The following SNX29 variants were observed in gnomAD, a reference collection of about 807,000 sequenced individuals.
SNX29 encodes sorting nexin 29, also known as sorting nexin-29.
SNX29 carries 78 observed loss-of-function variants against 102.1 expected under a neutral mutation model. That is an observed-to-expected ratio of 0.76 (90% confidence interval 0.64 to 0.92). SNX29 has a LOEUF of 0.92. SNX29 is among the 40% of genes least tolerant of loss of function. The pLI is 0.00. For synonymous variants in SNX29, 580 were observed against 414.5 expected (o/e 1.40, Z -4.85); for missense variants, 1,280 against 1,061.7 (o/e 1.21, Z -2.86).
At chr16:12,517,206 T>G (rs1376963496) in intron 19 of SNX29, among the ~76,000 whole-genome samples, 1 of 152,186 alleles carries the variant, frequency 6.6e-6, no homozygotes, top group African/African-American at 2.4e-5. Context: ...TTCCATACGC[T>G]GGGTTTGCCT....
At chr16:12,261,085 G>A (rs1421082697) in intron 14 of SNX29, among the ~76,000 whole-genome samples, 1 of 148,800 alleles carries the variant, frequency 6.7e-6, no homozygotes, top group African/African-American at 2.5e-5. Flanking sequence ...GCTGGAGTGA[G>A]TGTTTGCTGA....
chr16:12,486,575 G>T (rs1197951225), intron 19 of SNX29, among the ~76,000 whole-genome samples: 1 of 152,248 alleles, frequency 6.6e-6, no homozygotes. Flanking sequence ...GCCCAGGCAG[G>T]TGATCTGCCT....
chr16:12,460,269 C>T (rs2086723340), intron 18 of SNX29, among the ~76,000 whole-genome samples: 1 of 152,222 alleles, frequency 6.6e-6, no homozygotes, highest in African/African-American at 2.4e-5. Context: ...GAGGGGGAAA[C>T]CCTAAAACTG....
rs542925372 is a variant in SNX29, at chr16:12,241,297, T to C, written c.1679-36636T>C. 4.6e-5 allele frequency among the ~76,000 whole-genome samples: 7 copies of C among 152,260 alleles called. No individual in the cohort carries two copies. The South Asian group carries it at 1.5e-3, about 32-fold the overall frequency. On this transcript the variant is annotated intron_variant, in intron 14 of 20. Coordinates refer to ENST00000566228, the MANE Select transcript of SNX29 (RefSeq NM_032167.5). ...ACAAAAAAAGAAAACTGGCTTAAAA[T>C]TGAAGCAAGAAGCCCTGAAAATCAC... is the stretch of plus-strand genomic sequence containing the variant.
At chr16:12,031,290 T>A (rs2057335369) in intron 4 of SNX29, among the ~76,000 whole-genome samples, 1 of 151,862 alleles carries the variant, frequency 6.6e-6, no homozygotes, top group Non-Finnish European at 1.5e-5. Context: ...TAGGCTGGTC[T>A]CGAACTCCTG....
At chr16:12,021,939 G>C (rs2057036702) in intron 3 of SNX29, among the ~76,000 whole-genome samples, 1 of 151,754 alleles carries the variant, frequency 6.6e-6, no homozygotes, top group Admixed American at 6.6e-5. Flanking sequence ...AATGCTTGCT[G>C]AATCTTCACA....
intron 15 of SNX29, among the ~76,000 whole-genome samples, chr16:12,288,493 T>G (rs1005773536): frequency 6.6e-6 from 1 of 152,168 alleles, no homozygotes; most frequent in Non-Finnish European, 1.5e-5. Context: ...GTAACTCCAC[T>G]GGAGCTGTGA....
intron 4 of SNX29, among the ~76,000 whole-genome samples, chr16:12,033,647 C>T (rs1233256003): frequency 6.7e-6 from 1 of 149,372 alleles, no homozygotes; most frequent in East Asian, 2.0e-4. Flanking sequence ...TGATCTGTTG[C>T]CCATGCTGGA....
rs545434738 is a variant in SNX29, at chr16:12,548,450, CTG to C, written c.2319-20052_2319-20051del. Among the ~76,000 whole-genome samples, 422 of 152,370 alleles carry C rather than the reference CTG, an allele frequency of 2.8e-3. 3 individuals carry two copies. Among genetic ancestry groups the C allele is most frequent in the Middle Eastern group, 3.4e-3 (1 of 294 alleles). On this transcript the variant is annotated intron_variant, in intron 20 of 20. Transcript: ENST00000566228. ...GTGCCACATCCCTGTACCATGGCAT[CTG>C]TGTCTTTTGGACAGCACCGGGCTTT...
At chr16:12,552,262 T>C (rs996729959) in intron 20 of SNX29, among the ~76,000 whole-genome samples, 1 of 152,176 alleles carries the variant, frequency 6.6e-6, no homozygotes, top group African/African-American at 2.4e-5. Flanking sequence ...TAGGGGCTCG[T>C]AAGCCCTGGC....
intron 2 of SNX29, among the ~76,000 whole-genome samples, chr16:12,000,150 C>T (rs143623857): frequency 3.9e-5 from 6 of 152,224 alleles, no homozygotes; most frequent in African/African-American, 9.6e-5. Context: ...TGCTTGACTC[C>T]GGCTGGGCTT....
intron 14 of SNX29, among the ~76,000 whole-genome samples, chr16:12,251,125 G>T (rs953003178): frequency 6.6e-6 from 1 of 152,210 alleles, no homozygotes; most frequent in Non-Finnish European, 1.5e-5. Flanking sequence ...TCCTGGGTTG[G>T]GGTCTTGACT....
intron 18 of SNX29, among the ~76,000 whole-genome samples, chr16:12,439,827 C>T (rs574568732): frequency 2.6e-5 from 4 of 152,350 alleles, no homozygotes; most frequent in East Asian, 1.9e-4. Flanking sequence ...TACACCTTCA[C>T]CCCTGCAGTG....
At chr16:12,528,067 C>T (rs778932378) in intron 20 of SNX29, among the ~76,000 whole-genome samples, 5 of 151,892 alleles carry the variant, frequency 3.3e-5, no homozygotes, top group African/African-American at 4.8e-5. Context: ...CCCCGTTATT[C>T]CCCCACCTTG....
intron 19 of SNX29, among the ~76,000 whole-genome samples, chr16:12,513,483 G>T (rs1274094292): frequency 6.6e-5 from 10 of 151,652 alleles, no homozygotes; most frequent in Admixed American, 3.3e-4. Context: ...CCGTACCCTT[G>T]CAAAACACCT....
intron 18 of SNX29, among the ~76,000 whole-genome samples, chr16:12,417,922 G>A (rs1030766338): frequency 6.6e-6 from 1 of 152,152 alleles, no homozygotes. Flanking sequence ...GTAATTGGAT[G>A]GCTTCTTGGT....
chr16:12,549,663 C>T (rs1567175373), intron 20 of SNX29, among the ~76,000 whole-genome samples: 2 of 152,248 alleles, frequency 1.3e-5, no homozygotes, highest in East Asian at 1.9e-4. Flanking sequence ...CAGCTTGAGG[C>T]AGTCCCAAGG....
chr16:12,073,682 A>T (rs1327161613), intron 10 of SNX29, among the ~76,000 whole-genome samples: 2 of 151,948 alleles, frequency 1.3e-5, no homozygotes, highest in African/African-American at 4.8e-5. Flanking sequence ...TGTCTATTAG[A>T]TCTGCTTGGT....
chr16:12,464,873 C>A lies in SNX29; in HGVS notation c.2038-12846C>A, dbSNP rs72773305. On this transcript the variant is annotated intron_variant, in intron 18 of 20. Coordinates refer to ENST00000566228, the MANE Select transcript of SNX29 (RefSeq NM_032167.5). ...CTATGATTTACTTTCCTGCCAATAG[C>A]GTACAAGAGTTTCCTTTTCTCGATA... is the stretch of plus-strand genomic sequence containing the variant. 3.3e-5 allele frequency among the ~76,000 whole-genome samples: 5 copies of A among 152,254 alleles called. No homozygotes were observed. In the South Asian group the frequency reaches 1.0e-3, roughly 32 times the overall value.
Sources: gnomAD v4.1 joint callset for allele counts (sites outside exome capture counted in the v4.1 genomes callset) on GRCh38, gnomAD v4.1.1 for gene constraint, MANE v1.5 for transcripts, NCBI Gene and HGNC (gene_info 2026-07-23, HGNC 2026-07-21) for gene names.